Variants in ZMYND11 observed in about 807,000 individuals in gnomAD.
ZMYND11 encodes zinc finger MYND domain-containing protein 11.
Under a neutral mutation model 84.9 loss-of-function variants are expected in ZMYND11, and 9 were observed. The observed-to-expected ratio is 0.11, with a 90% CI of 0.06 to 0.18. The LOEUF is 0.18. Among genes scored for constraint, ZMYND11 ranks in the 10% least tolerant of loss-of-function variants. The pLI is 1.00. For missense variants in ZMYND11, 409 were observed against 761.0 expected (o/e 0.54, Z 5.44); for synonymous variants, 250 against 244.1 (o/e 1.02, Z -0.23).
intron 10 of ZMYND11, among the ~76,000 whole-genome samples, chr10:242,350 G>A (rs1408611087): frequency 6.6e-6 from 1 of 152,162 alleles, no homozygotes; most frequent in Non-Finnish European, 1.5e-5. Context: ...AACTGACACT[G>A]TTGAACTTCA....
chr10:200,615 C>T (rs1233679040), intron 2 of ZMYND11, among the ~76,000 whole-genome samples: 1 of 151,744 alleles, frequency 6.6e-6, no homozygotes, highest in Non-Finnish European at 1.5e-5. Flanking sequence ...CTTGCCCCAT[C>T]TCAAGTTATT....
At chr10:241,214 C>T (rs918819676) in intron 9 of ZMYND11, among the ~76,000 whole-genome samples, 11 of 152,086 alleles carry the variant, frequency 7.2e-5, no homozygotes, top group African/African-American at 1.2e-4. Context: ...CTCACTCTGT[C>T]GCCCAGGCTT....
rs141636302 is a variant in ZMYND11, at chr10:218,877, A to T, written c.277-2318A>T. 3.9e-3 allele frequency among the ~76,000 whole-genome samples: 601 copies of T among 152,276 alleles called. 20 individuals carry two copies. The highest frequency in any genetic ancestry group is 0.036 in the Admixed American group (552 of 15,294). ...GTAGGCAACCTGTCCTATAATCAAC[A>T]TGCCTGTATGATTCATCCCTCAGGA... On this transcript the variant is annotated intron_variant, in intron 3 of 14. Transcript: ENST00000381604.
At chr10:237,703 C>T (rs771426319) in intron 6 of ZMYND11, 26 bp downstream of exon 6, 1 of 1,547,570 alleles carries the variant, frequency 6.5e-7, no homozygotes, top group Non-Finnish European at 8.8e-7. Context: ...TTTATTTCCA[C>T]TTCAAGTACA....
At chr10:241,541 CT>C (rs1054125186) in intron 9 of ZMYND11, among the ~76,000 whole-genome samples, 2 of 152,326 alleles carry the variant, frequency 1.3e-5, no homozygotes, top group African/African-American at 4.8e-5. Flanking sequence ...AGACCTAAGG[CT>C]TTGCCTTTGT....
intron 2 of ZMYND11, chr10:198,104 G>A (rs906557806): frequency 1.5e-5 from 6 of 390,366 alleles, no homozygotes; most frequent in African/African-American, 4.2e-5. Flanking sequence ...ATTTATAATG[G>A]CCAAAATTGA....
At chr10:215,514 G>T (rs1286852218) in intron 3 of ZMYND11, among the ~76,000 whole-genome samples, 1 of 151,072 alleles carries the variant, frequency 6.6e-6, no homozygotes, top group Non-Finnish European at 1.5e-5. Flanking sequence ...CTGCACGCAT[G>T]ATATTATACT....
At chr10:220,711 A>G (rs1946999689) in intron 3 of ZMYND11, among the ~76,000 whole-genome samples, 1 of 152,048 alleles carries the variant, frequency 6.6e-6, no homozygotes, top group Non-Finnish European at 1.5e-5. Context: ...ATCCAGTGCC[A>G]CAGATGAGAA....
At chr10:244,250 G>C (rs1951665781) in intron 10 of ZMYND11, among the ~76,000 whole-genome samples, 1 of 152,150 alleles carries the variant, frequency 6.6e-6, no homozygotes, top group Non-Finnish European at 1.5e-5. Flanking sequence ...AAAGGTTCTG[G>C]TTGATCAGGA....
At chr10:180,701 G>C (rs1297966842) in intron 2 of ZMYND11, among the ~76,000 whole-genome samples, 2 of 152,160 alleles carry the variant, frequency 1.3e-5, no homozygotes, top group African/African-American at 4.8e-5. Flanking sequence ...CACCTGGCCA[G>C]AGATTCTTTT....
intron 1 of ZMYND11, among the ~76,000 whole-genome samples, chr10:168,468 A>G (rs782761036): frequency 1.3e-5 from 2 of 152,086 alleles, no homozygotes; most frequent in African/African-American, 2.4e-5. Flanking sequence ...TTAACATATG[A>G]TTAGGAATGT....
At chr10:239,577 T>G in intron 7 of ZMYND11, 52 bp downstream of exon 7, 1 of 1,234,114 alleles carries the variant, frequency 8.1e-7, no homozygotes, top group South Asian at 1.3e-5. Context: ...CCATTTACAT[T>G]CCATGTTGAA....
chr10:239,363 T>G (rs1950509603), intron 6 of ZMYND11, 75 bp from the exon 7 acceptor site: 1 of 1,190,440 alleles, frequency 8.4e-7, no homozygotes, highest in South Asian at 1.3e-5. Context: ...AAAGACTGCT[T>G]GTCCTGTGAA....
At position 210,617 on chromosome 10, in the gene ZMYND11, T is replaced by C. The variant is rs371194879; in HGVS notation, c.276+569T>C. 5.3e-5 allele frequency among the ~76,000 whole-genome samples: 8 copies of C among 152,212 alleles called. No individual in the cohort carries two copies. In the East Asian group the frequency reaches 9.6e-4, roughly 18 times the overall value. ...GGAAAGACAGAACATTAATTCTCTT[T>C]ACGTTTTTACCTAGTTCTCACTTTG... On this transcript the variant is annotated intron_variant, in intron 3 of 14. Transcript: ENST00000381604.
intron 6 of ZMYND11, 38 bp downstream of exon 6, chr10:237,715 TTTC>T (rs1950215996): frequency 2.0e-6 from 3 of 1,492,376 alleles, no homozygotes; most frequent in Non-Finnish European, 2.8e-6. Context: ...TCAAGTACAT[TTTC>T]TTAACTAACA....
At chr10:185,109 T>C (rs770303139) in intron 2 of ZMYND11, among the ~76,000 whole-genome samples, 4 of 152,148 alleles carry the variant, frequency 2.6e-5, no homozygotes, top group Non-Finnish European at 5.9e-5. Flanking sequence ...CCATGAGTCA[T>C]CTGCAAATGG....
At chr10:171,583 A>G (rs1249095090) in intron 1 of ZMYND11, among the ~76,000 whole-genome samples, 1 of 152,212 alleles carries the variant, frequency 6.6e-6, no homozygotes, top group African/African-American at 2.4e-5. Context: ...ATCTTGAGGA[A>G]CTTTTAAATA....
intron 2 of ZMYND11, among the ~76,000 whole-genome samples, chr10:187,089 C>T (rs1023765350): frequency 6.6e-6 from 1 of 151,910 alleles, no homozygotes; most frequent in African/African-American, 2.4e-5. Context: ...ATTAGCCAAG[C>T]ATGGTGGTGC....
In ZMYND11 at chr10:242,055, A is replaced by C. The variant is rs1564450339; in HGVS notation, c.866A>C (p.Lys289Thr). 6.2e-7 allele frequency: 1 copy of C among 1,614,110 alleles called. No homozygotes were observed. The highest frequency in any genetic ancestry group is 8.5e-7 in the Non-Finnish European group (1 of 1,180,014). Residue 289 changes from lysine to threonine, a missense_variant, in exon 10 of 15, where the codon AAA becomes ACA. Transcript: ENST00000381604. ...PNHELVWAKM[K>T]GFGFWPAKVM... Reference sequence around the variant, plus strand: ...CATGAGCTGGTTTGGGCTAAAATGAAAGGTTTTGGGTTTTGGCCAGCCAAA... The same window carrying C: ...CATGAGCTGGTTTGGGCTAAAATGACAGGTTTTGGGTTTTGGCCAGCCAAA...
Sources: gnomAD v4.1 joint callset for allele counts (sites outside exome capture counted in the v4.1 genomes callset) on GRCh38, gnomAD v4.1.1 for gene constraint, MANE v1.5 for transcripts, NCBI Gene and HGNC (gene_info 2026-07-23, HGNC 2026-07-21) for gene names.